Variants in SH3BGRL observed in about 807,000 individuals in gnomAD.
SH3BGRL encodes the protein SH3 domain binding glutamate rich protein like, also known as adapter SH3BGRL.
In SH3BGRL, 7 loss-of-function variants were observed where a neutral mutation model predicts 9.8. The observed-to-expected ratio is 0.72, with a 90% CI of 0.41 to 1.35. The LOEUF (loss-of-function observed/expected upper bound fraction) is 1.35. Among genes scored for constraint, SH3BGRL ranks in the 40% most tolerant of loss-of-function variants. The pLI, the probability that SH3BGRL is intolerant of heterozygous loss-of-function variation, is 0.01. For missense variants in SH3BGRL, 73 were observed against 84.4 expected, an observed-to-expected ratio of 0.86 and a Z score of 0.53; for synonymous variants, 36 against 29.1, an observed-to-expected ratio of 1.24 and a Z score of -0.76.
intron 1 of SH3BGRL, among the ~76,000 whole-genome samples, chrX:81,241,081 C>T (rs1185165132): frequency 8.9e-6 from 1 of 112,873 alleles, no homozygotes; most frequent in Non-Finnish European, 1.9e-5. Context: ...TCTTCCCGCT[C>T]CTGGTGCCTG....
intron 1 of SH3BGRL, among the ~76,000 whole-genome samples, chrX:81,246,383 A>G (rs775255250): frequency 9.0e-6 from 1 of 111,423 alleles, no homozygotes; most frequent in African/African-American, 3.3e-5. Context: ...ATTCTTTCTC[A>G]AGGAAGATGT....
intron 1 of SH3BGRL, among the ~76,000 whole-genome samples, chrX:81,207,330 T>TA (rs201029136): frequency 0.027 from 3,009 of 112,299 alleles, 99 homozygotes; most frequent in African/African-American, 0.093. Context: ...ATATAACTGA[T>TA]AAAACAGAAG....
chrX:81,272,737 T>C (rs986954966), intron 1 of SH3BGRL, among the ~76,000 whole-genome samples: 1 of 110,398 alleles, frequency 9.1e-6, no homozygotes, highest in African/African-American at 3.3e-5. Flanking sequence ...CTGACCTCGT[T>C]ATCCGCCCGC....
chrX:81,270,123 C>G (rs191710970), intron 1 of SH3BGRL, among the ~76,000 whole-genome samples: 2 of 110,750 alleles, frequency 1.8e-5, no homozygotes. Flanking sequence ...ATTCATCTAA[C>G]CTTTTGTCAA....
chrX:81,226,031 A>T (rs187428567), intron 1 of SH3BGRL, among the ~76,000 whole-genome samples: 1 of 111,290 alleles, frequency 9.0e-6, no homozygotes. Context: ...TATTCTTCCT[A>T]TCTAACGGTA....
At chrX:81,262,066 T>C (rs1425992016) in intron 1 of SH3BGRL, among the ~76,000 whole-genome samples, 1 of 111,465 alleles carries the variant, frequency 9.0e-6, no homozygotes, top group Non-Finnish European at 1.9e-5. Context: ...TGTATATTAC[T>C]TTTTAATAAA....
chrX:81,238,043 T>C, intron 1 of SH3BGRL, among the ~76,000 whole-genome samples: 1 of 108,053 alleles, frequency 9.3e-6, no homozygotes, highest in Middle Eastern at 4.8e-3. Context: ...GCAGCATCCA[T>C]CATTTGCTAA....
chrX:81,216,381 C>A (rs1350055333), intron 1 of SH3BGRL, among the ~76,000 whole-genome samples: 1 of 111,503 alleles, frequency 9.0e-6, no homozygotes, highest in African/African-American at 3.3e-5. Flanking sequence ...GCACAATAAT[C>A]ACATCAGGAT....
chrX:81,292,735 A>G (rs2075862159), intron 3 of SH3BGRL, among the ~76,000 whole-genome samples: 2 of 111,913 alleles, frequency 1.8e-5, no homozygotes, highest in Admixed American at 9.5e-5. Context: ...TTGTGAATGT[A>G]TATGAGCTAT....
intron 1 of SH3BGRL, among the ~76,000 whole-genome samples, chrX:81,222,773 T>G (rs370624912): frequency 2.4e-4 from 27 of 111,631 alleles, no homozygotes; most frequent in South Asian, 7.6e-4. Context: ...GGTTGAACTA[T>G]TTTACAGTCC....
intron 1 of SH3BGRL, among the ~76,000 whole-genome samples, chrX:81,246,645 A>AT (rs1335433917): frequency 0.011 from 1,172 of 105,446 alleles, 5 homozygotes; most frequent in African/African-American, 0.016. Flanking sequence ...TGGGTTCTCT[A>AT]TTTTTTTTTT....
At chrX:81,232,087 A>G (rs1337918921) in intron 1 of SH3BGRL, among the ~76,000 whole-genome samples, 1 of 111,088 alleles carries the variant, frequency 9.0e-6, no homozygotes, top group Non-Finnish European at 1.9e-5. Flanking sequence ...TGGCTGTTAT[A>G]AAGTTTAAAT....
intron 1 of SH3BGRL, among the ~76,000 whole-genome samples, chrX:81,224,037 T>C (rs1308837582): frequency 1.8e-5 from 2 of 111,418 alleles, no homozygotes; most frequent in African/African-American, 6.5e-5. Context: ...AGTTGTTCAT[T>C]CATGATAGTT....
intron 1 of SH3BGRL, among the ~76,000 whole-genome samples, chrX:81,274,238 G>A (rs1952994247): frequency 9.0e-6 from 1 of 111,124 alleles, no homozygotes; most frequent in Non-Finnish European, 1.9e-5. Context: ...AGTCCTATTA[G>A]GGAAATTAGG....
Position 81,278,332 on chromosome X carries a change from A to T in SH3BGRL, c.233A>T (p.Asp78Val). ...TCATCTTATCTTCTTTTCATCAAGG[A>T]CTATGATGCCTTCTTTGAAGCCAGA... ...QIFNESQYRG[D>V]YDAFFEAREN... The change falls in exon 3 of 4, where the codon GAC becomes GTC. Residue 78 changes from aspartate to valine, a missense_variant and splice_region_variant. Physicochemically the swap from Asp to Val is radical, Grantham distance 152. Coordinates refer to ENST00000373212, the MANE Select transcript of SH3BGRL (RefSeq NM_003022.3). 2 of 1,169,919 alleles carry T rather than the reference A, an allele frequency of 1.7e-6. No individual in the cohort carries two copies. Among genetic ancestry groups the T allele is most frequent in the Non-Finnish European group, 2.3e-6 (2 of 864,025 alleles).
Position 81,283,656 on chromosome X carries a change from A to G in SH3BGRL, c.312+5245A>G, listed in dbSNP as rs1474960902. Among the ~76,000 whole-genome samples, 3 of 111,558 alleles carry G rather than the reference A, an allele frequency of 2.7e-5. No homozygotes were observed. The East Asian group carries it at 8.5e-4, about 31-fold the overall frequency. ...AAAACTCTCAGCAAAATCAGCATAC[A>G]AGGGACATACCTTAATGTAATAAAA... On this transcript the variant is annotated intron_variant, in intron 3 of 3. Coordinates refer to ENST00000373212, the MANE Select transcript of SH3BGRL (RefSeq NM_003022.3).
At chrX:81,225,566 T>G (rs773943362) in intron 1 of SH3BGRL, among the ~76,000 whole-genome samples, 1 of 111,840 alleles carries the variant, frequency 8.9e-6, no homozygotes, top group African/African-American at 3.2e-5. Context: ...TGCATCCATG[T>G]TACTGCAGAG....
chrX:81,295,174 G>T, intron 3 of SH3BGRL, among the ~76,000 whole-genome samples: 1 of 111,888 alleles, frequency 8.9e-6, no homozygotes, highest in South Asian at 3.8e-4. Flanking sequence ...GGCATGACTA[G>T]TTTTGAAATG....
At chrX:81,265,865 C>A (rs2075755501) in intron 1 of SH3BGRL, among the ~76,000 whole-genome samples, 1 of 111,996 alleles carries the variant, frequency 8.9e-6, no homozygotes, top group African/African-American at 3.3e-5. Flanking sequence ...ACCTCTCCAG[C>A]ATCTGTCGTT....
Sources: allele counts gnomAD v4.1 joint callset (sites outside exome capture counted in the v4.1 genomes callset), GRCh38; gene constraint gnomAD v4.1.1; transcripts MANE v1.5; gene names NCBI Gene and HGNC (gene_info 2026-07-23, HGNC 2026-07-21).